The following HSF2 variants were observed in gnomAD, a reference collection of about 807,000 sequenced individuals.
HSF2 encodes heat shock transcription factor 2, also known as heat shock factor protein 2.
Under a neutral mutation model 65.0 loss-of-function variants are expected in HSF2, and 21 were observed. That is an observed-to-expected ratio of 0.32 (90% CI 0.23 to 0.47). HSF2 has a LOEUF of 0.47. Among genes scored for constraint, HSF2 ranks in the 20% least tolerant of loss-of-function variants. The pLI is 1.00. For missense variants in HSF2, 499 were observed against 628.1 expected (o/e 0.79, Z 2.20); for synonymous variants, 225 against 219.1 (o/e 1.03, Z -0.24).
chr6:122,433,116 A>T lies in HSF2; in HGVS notation c.*896A>T, dbSNP rs1774513110. The T allele has an allele frequency of 6.6e-6, 1 of 152,226 alleles. No homozygotes were observed. The highest frequency in any genetic ancestry group is 2.1e-4 in the South Asian group (1 of 4,832). The allele number at this position is 152,226 out of a possible 1,614,324, so 9.4% of individuals were successfully genotyped here. A position where few individuals can be genotyped will look rare whatever the true frequency, so the allele number is the denominator to read the frequency against. On this transcript the variant is annotated 3_prime_UTR_variant, in exon 13 of 13. Transcript: ENST00000368455. Reference sequence around the variant, plus strand: ...GCCTCATCTCGAAAATATATTGTATATTGCAACAAGGGAGAAATATAATCT... The same window carrying T: ...GCCTCATCTCGAAAATATATTGTATTTTGCAACAAGGGAGAAATATAATCT...
At chr6:122,423,295 G>A (rs45527534) in intron 9 of HSF2, among the ~76,000 whole-genome samples, 1,943 of 152,218 alleles carry the variant, frequency 0.013, 48 homozygotes, top group African/African-American at 0.045. Flanking sequence ...GTAATAATCA[G>A]TAATGAGATT....
rs544497436 is a variant in HSF2, at chr6:122,426,823, C to A, written c.1177-1080C>A. Among the ~76,000 whole-genome samples the A allele has an allele frequency of 4.6e-5, 7 of 152,110 alleles. No individual in the cohort carries two copies. In the East Asian group the frequency reaches 1.2e-3, roughly 25 times the overall value. ...CAGTGAGTGCATTTCATCATTCAGG[C>A]CATTCCCAAGGCTCTTATTGCTGAC... is the stretch of plus-strand genomic sequence containing the variant. On this transcript the variant is annotated intron_variant, in intron 10 of 12. Coordinates refer to ENST00000368455, the MANE Select transcript of HSF2 (RefSeq NM_004506.4).
chr6:122,400,556 G>C (rs181851210), intron 1 of HSF2, among the ~76,000 whole-genome samples: 16 of 152,226 alleles, frequency 1.1e-4, no homozygotes, highest in Admixed American at 9.8e-4. Context: ...GGGGCATATC[G>C]ATGTGTTGAT....
At chr6:122,403,898 G>T (rs1265269011) in intron 1 of HSF2, among the ~76,000 whole-genome samples, 3 of 152,182 alleles carry the variant, frequency 2.0e-5, no homozygotes. Context: ...AGACAAGGCC[G>T]TAGAGGTTAA....
chr6:122,432,285 A>ATC lies in HSF2; in HGVS notation c.*66_*67dup. On this transcript the variant is annotated 3_prime_UTR_variant, in exon 13 of 13. Transcript: ENST00000368455. ...AATGATGAACTATTTATTTTAAAGTATCATTTGGTACTTTTTTTGTAAATT... is the reference window on the plus strand; with the variant it reads ...AATGATGAACTATTTATTTTAAAGTATCTCATTTGGTACTTTTTTTGTAAATT... 3 of 1,326,732 alleles carry ATC rather than the reference A, an allele frequency of 2.3e-6. No individual in the cohort carries two copies. The highest frequency in any genetic ancestry group is 2.1e-6 in the Non-Finnish European group (2 of 958,048). The allele number at this position is 1,326,732 out of a possible 1,614,324, so 82.2% of individuals were successfully genotyped here. A position where few individuals can be genotyped will look rare whatever the true frequency, so the allele number is the denominator to read the frequency against.
rs535360957 is a variant in HSF2, at chr6:122,425,374, A to C, written c.1176+1688A>C. Among the ~76,000 whole-genome samples the C allele has an allele frequency of 7.2e-5, 11 of 151,848 alleles. No homozygotes were observed. The South Asian group carries it at 2.3e-3, about 32-fold the overall frequency. On this transcript the variant is annotated intron_variant, in intron 10 of 12. Coordinates refer to ENST00000368455, the MANE Select transcript of HSF2 (RefSeq NM_004506.4). The stretch of plus-strand genomic sequence containing the variant: ...TCTTTTCTTTTTGCTGTATTAGTCC[A>C]TTGGGCTAGTGGAAAGTTTGTTTTG...
In HSF2 at chr6:122,422,218, T is replaced by C. The variant is rs1774251442; in HGVS notation, c.750T>C (p.Asp250=). The change falls in exon 8 of 13, where the codon GAT becomes GAC. Residue 250 remains aspartate, a synonymous_variant. Coordinates refer to ENST00000368455, the MANE Select transcript of HSF2 (RefSeq NM_004506.4). ...TTTCAGATGACATCATTATTTATGATGTTACTGATGATAATGCAGATGAAG... is the reference window on the plus strand; with the variant it reads ...TTTCAGATGACATCATTATTTATGACGTTACTGATGATAATGCAGATGAAG... ...ERISDDIIIY[D]VTDDNADEEN... 4 of 1,595,800 alleles carry C rather than the reference T, an allele frequency of 2.5e-6. No homozygotes were observed. In the South Asian group the frequency reaches 4.4e-5, roughly 18 times the overall value.
At chr6:122,403,897 C>A (rs1030119689) in intron 1 of HSF2, among the ~76,000 whole-genome samples, 1 of 151,948 alleles carries the variant, frequency 6.6e-6, no homozygotes, top group Non-Finnish European at 1.5e-5. Context: ...GAGACAAGGC[C>A]GTAGAGGTTA....
At chr6:122,401,429 G>C (rs1392280214) in intron 1 of HSF2, among the ~76,000 whole-genome samples, 2 of 152,154 alleles carry the variant, frequency 1.3e-5, no homozygotes, top group Non-Finnish European at 2.9e-5. Flanking sequence ...GCCAGAAATA[G>C]GGGCTATATA....
chr6:122,407,797 C>T (rs143202131), intron 1 of HSF2, among the ~76,000 whole-genome samples: 8 of 151,694 alleles, frequency 5.3e-5, no homozygotes, highest in East Asian at 1.9e-4. Context: ...GTTGGGCTGC[C>T]GTAGCAAGAT....
At position 122,427,843 on chromosome 6, in the gene HSF2, AAC is replaced by A. The variant is rs896017058; in HGVS notation, c.1177-54_1177-53del. The A allele has an allele frequency of 6.7e-5, 87 of 1,296,978 alleles. No homozygotes were observed. In the African/African-American group the frequency reaches 1.1e-3, roughly 16 times the overall value. 80.3% of individuals were successfully genotyped at this position (1,296,978 alleles called of 1,614,324 possible). ...CCCAACATGGCTGTATAAAATTTTG[AAC>A]ACACAATTATTTTTAATTATTTTTT... On this transcript the variant is annotated intron_variant, in intron 10 of 12. Coordinates refer to ENST00000368455, the MANE Select transcript of HSF2 (RefSeq NM_004506.4).
At chr6:122,401,218 C>G (rs887316205) in intron 1 of HSF2, among the ~76,000 whole-genome samples, 6 of 152,090 alleles carry the variant, frequency 3.9e-5, no homozygotes, top group Middle Eastern at 3.2e-3. Flanking sequence ...TTGTACAAAG[C>G]TAGGTGAAAA....
At position 122,431,531 on chromosome 6, in the gene HSF2, T is replaced by C. The variant is rs1380213512; in HGVS notation, c.1315+17T>C. 3 of 1,409,876 alleles carry C rather than the reference T, an allele frequency of 2.1e-6. No individual in the cohort carries two copies. The highest frequency in any genetic ancestry group is 3.5e-5 in the Admixed American group (2 of 56,366). 87.3% of individuals were successfully genotyped at this position (1,409,876 alleles called of 1,614,324 possible). The stretch of plus-strand genomic sequence containing the variant: ...CCAAACCAGGTAGGTATAAATATAG[T>C]ATTCAGTCTCTGTAGGTTTTTTTAA... On this transcript the variant is annotated intron_variant, in intron 12 of 12. Transcript: ENST00000368455.
Position 122,418,357 on chromosome 6 carries a change from C to T in HSF2, c.532-811C>T, listed in dbSNP as rs566189277. On this transcript the variant is annotated intron_variant, in intron 5 of 12. Coordinates refer to ENST00000368455, the MANE Select transcript of HSF2 (RefSeq NM_004506.4). Reference sequence around the variant, plus strand: ...TCTAAACATACTGGATCCCATGATCCGAATTTCAGATTCAGCAGTTCTGTA... The same window carrying T: ...TCTAAACATACTGGATCCCATGATCTGAATTTCAGATTCAGCAGTTCTGTA... Among the ~76,000 whole-genome samples, 69 of 152,180 alleles carry T rather than the reference C, an allele frequency of 4.5e-4. 1 individual carries two copies. The highest frequency in any genetic ancestry group is 1.4e-3 in the African/African-American group (58 of 41,526).
At chr6:122,401,208 T>C (rs1292206096) in intron 1 of HSF2, among the ~76,000 whole-genome samples, 1 of 152,200 alleles carries the variant, frequency 6.6e-6, no homozygotes, top group Non-Finnish European at 1.5e-5. Context: ...TTCTGTACAA[T>C]TGTACAAAGC....
intron 1 of HSF2, among the ~76,000 whole-genome samples, chr6:122,405,484 C>A (rs751916428): frequency 2.0e-5 from 3 of 152,006 alleles, no homozygotes; most frequent in African/African-American, 4.8e-5. Context: ...AAGAAGCAGC[C>A]ACTACTGATA....
intron 6 of HSF2, among the ~76,000 whole-genome samples, chr6:122,419,801 C>T (rs190641119): frequency 2.2e-4 from 33 of 152,176 alleles, no homozygotes; most frequent in Admixed American, 1.8e-3. Flanking sequence ...TAACTACTTC[C>T]ACTAATTAGT....
chr6:122,399,597 G>A (rs1773661868), upstream of HSF2: 1 of 657,926 alleles, frequency 1.5e-6, no homozygotes, highest in Non-Finnish European at 2.5e-6. Context: ...CTTGCCGCGC[G>A]CCTGGCGGGG....
chr6:122,414,876 C>T (rs1774087730), intron 4 of HSF2, among the ~76,000 whole-genome samples: 1 of 152,212 alleles, frequency 6.6e-6, no homozygotes, highest in Non-Finnish European at 1.5e-5. Context: ...ATCGGCCTTT[C>T]AAAGTGCTGG....
Sources: allele counts gnomAD v4.1 joint callset (sites outside exome capture counted in the v4.1 genomes callset), GRCh38; gene constraint gnomAD v4.1.1; transcripts MANE v1.5; gene names NCBI Gene and HGNC (gene_info 2026-07-23, HGNC 2026-07-21).